Variants in ELF2 observed in about 807,000 individuals in gnomAD.
ELF2 encodes the protein E74 like ETS transcription factor 2.
ELF2 carries 11 observed loss-of-function variants against 54.8 expected under a neutral mutation model. The observed-to-expected ratio is 0.20, with a 90% CI of 0.13 to 0.33. The LOEUF is 0.33. Among genes scored for constraint, ELF2 ranks in the 10% least tolerant of loss-of-function variants. ELF2 has a pLI of 1.00. For missense variants in ELF2, 513 were observed against 703.0 expected (o/e 0.73, Z 3.06); for synonymous variants, 203 against 245.1 (o/e 0.83, Z 1.61).
chr4:139,166,033 G>T (rs1741684161), intron 1 of ELF2, among the ~76,000 whole-genome samples: 1 of 152,018 alleles, frequency 6.6e-6, no homozygotes. Flanking sequence ...ATCATTCACA[G>T]TTTTGATTCT....
intron 1 of ELF2, among the ~76,000 whole-genome samples, chr4:139,140,592 A>T (rs879571960): frequency 1.3e-5 from 2 of 152,160 alleles, no homozygotes; most frequent in East Asian, 3.9e-4. Flanking sequence ...TGTCTCTACA[A>T]AAAATAAAAA....
intron 1 of ELF2, among the ~76,000 whole-genome samples, chr4:139,165,446 C>G (rs1436508958): frequency 1.3e-5 from 2 of 151,976 alleles, no homozygotes; most frequent in African/African-American, 4.8e-5. Context: ...GATGGATCAC[C>G]TGAGGTCAGA....
At chr4:139,062,972 T>G (rs1038932032) in intron 7 of ELF2, among the ~76,000 whole-genome samples, 1 of 152,092 alleles carries the variant, frequency 6.6e-6, no homozygotes, top group Non-Finnish European at 1.5e-5. Flanking sequence ...AACATTACTG[T>G]TGGCGGGGTG....
chr4:139,060,553 C>A lies in ELF2; in HGVS notation c.928G>T (p.Asp310Tyr). Residue 310 changes from aspartate (D) to tyrosine (Y), a missense_variant, in exon 9 of 10, where the codon GAT (aspartate) becomes TAT (tyrosine). Physicochemically the swap from Asp to Tyr is radical, Grantham distance 160 (BLOSUM62 -3). Around this residue, in one of 3 missense-constraint regions of ELF2, gnomAD observed 291 missense variants for 366.1 expected, o/e 0.79. Coordinates refer to ENST00000686138, the MANE Select transcript of ELF2 (RefSeq NM_001331036.3). ...TTTTCATCAGTAGTTCCTGCTAAATCTTCATTACAGGTTTCACTTTTGTCA... is the reference window on the plus strand; with the variant it reads ...TTTTCATCAGTAGTTCCTGCTAAATATTCATTACAGGTTTCACTTTTGTCA... ...DDDKSETCNE[D>Y]LAGTTDEKSL... 13 of 1,614,210 alleles carry A rather than the reference C, an allele frequency of 8.1e-6. No individual in the cohort carries two copies. The highest frequency in any genetic ancestry group is 1.0e-5 in the Non-Finnish European group (12 of 1,180,028).
At chr4:139,105,325 CCTTT>C (rs1560816537) in intron 4 of ELF2, among the ~76,000 whole-genome samples, 1 of 152,026 alleles carries the variant, frequency 6.6e-6, no homozygotes, top group Non-Finnish European at 1.5e-5. Context: ...AGAGACTTTG[CCTTT>C]CTTGTCTACA....
At chr4:139,148,402 A>G (rs1007940483) in intron 1 of ELF2, among the ~76,000 whole-genome samples, 1 of 138,996 alleles carries the variant, frequency 7.2e-6, no homozygotes, top group East Asian at 2.2e-4. Context: ...CCTGGGCTCA[A>G]GTGAACACCT....
At chr4:139,064,749 A>G (rs1728427163) in intron 7 of ELF2, among the ~76,000 whole-genome samples, 1 of 151,964 alleles carries the variant, frequency 6.6e-6, no homozygotes, top group African/African-American at 2.4e-5. Context: ...GCGTGGTGCC[A>G]CATGTCTGTA....
chr4:139,113,304 G>T (rs886890880), intron 4 of ELF2, among the ~76,000 whole-genome samples: 5 of 152,136 alleles, frequency 3.3e-5, no homozygotes, highest in African/African-American at 1.2e-4. Context: ...GCTCCAGTGA[G>T]CCATGATCAT....
intron 3 of ELF2, among the ~76,000 whole-genome samples, chr4:139,136,117 T>A (rs1366983729): frequency 6.6e-6 from 1 of 152,040 alleles, no homozygotes; most frequent in Non-Finnish European, 1.5e-5. Context: ...CTGGGTAATC[T>A]AGGAGGGGAT....
At chr4:139,088,619 C>CTT (rs1732248025) in intron 4 of ELF2, among the ~76,000 whole-genome samples, 2 of 152,284 alleles carry the variant, frequency 1.3e-5, no homozygotes. Context: ...TCACCCACTT[C>CTT]TACACAACCG....
chr4:139,174,336 C>G (rs766069742), intron 1 of ELF2, among the ~76,000 whole-genome samples: 1 of 151,764 alleles, frequency 6.6e-6, no homozygotes, highest in African/African-American at 2.4e-5. Flanking sequence ...CACAAAAGAC[C>G]GCATTTATGG....
At chr4:139,118,338 G>A (rs1288847137) in intron 4 of ELF2, among the ~76,000 whole-genome samples, 2 of 152,156 alleles carry the variant, frequency 1.3e-5, no homozygotes, top group African/African-American at 4.8e-5. Context: ...CAATCATTGT[G>A]GAAATCTTCA....
chr4:139,072,849 T>C (rs1357812866), intron 5 of ELF2, among the ~76,000 whole-genome samples: 1 of 152,266 alleles, frequency 6.6e-6, no homozygotes, highest in Non-Finnish European at 1.5e-5. Context: ...ATGGTTGCTC[T>C]TATTGTGAAT....
At chr4:139,131,419 C>T (rs1373278411) in intron 3 of ELF2, among the ~76,000 whole-genome samples, 1 of 152,188 alleles carries the variant, frequency 6.6e-6, no homozygotes, top group East Asian at 1.9e-4. Context: ...CTTTTATATG[C>T]ACTCAGTCAT....
At chr4:139,064,385 C>T (rs546501134) in intron 7 of ELF2, among the ~76,000 whole-genome samples, 8 of 152,208 alleles carry the variant, frequency 5.3e-5, no homozygotes, top group South Asian at 2.1e-4. Flanking sequence ...ATGCACTATT[C>T]GTTTACTATC....
At chr4:139,161,652 TAAAAAAAAAAA>T (rs57452146) in intron 1 of ELF2, among the ~76,000 whole-genome samples, 853 of 70,040 alleles carry the variant, frequency 0.012, 8 homozygotes, top group East Asian at 0.048. Context: ...TAAAACTGTT[TAAAAAAAAAAA>T]AAAAAAAAAA....
At chr4:139,075,999 C>T (rs941900096) in intron 4 of ELF2, among the ~76,000 whole-genome samples, 2 of 152,078 alleles carry the variant, frequency 1.3e-5, no homozygotes, top group African/African-American at 4.8e-5. Flanking sequence ...AAGCACTATA[C>T]ACTAACGATA....
chr4:139,076,989 T>A (rs1730399256), intron 4 of ELF2, among the ~76,000 whole-genome samples: 1 of 152,274 alleles, frequency 6.6e-6, no homozygotes, highest in Middle Eastern at 3.4e-3. Context: ...ATAAATTACC[T>A]ATGAAGTTAT....
rs1357717752 is a variant in ELF2, at chr4:139,085,283, T to G, written c.239-11716A>C. Among the ~76,000 whole-genome samples, 3 of 152,286 alleles carry G rather than the reference T, an allele frequency of 2.0e-5. No homozygotes were observed. The East Asian group carries it at 5.8e-4, about 29-fold the overall frequency. ...GTTTCAGAATTTAATAATACATAAA[T>G]TGTTTGAAACAAAGGGTTATGCTAA... On this transcript the variant is annotated intron_variant, in intron 4 of 9. Transcript: ENST00000686138.
Sources: gnomAD v4.1 joint callset for allele counts (sites outside exome capture counted in the v4.1 genomes callset) on GRCh38, gnomAD v4.1.1 for gene constraint, gnomAD v4.1.1 regional missense constraint, MANE v1.5 for transcripts, NCBI Gene and HGNC (gene_info 2026-07-23, HGNC 2026-07-21) for gene names.